Variants in IFT57 observed in about 807,000 individuals in gnomAD.
The protein encoded by IFT57 is intraflagellar transport 57.
In IFT57, 59 loss-of-function variants were observed where a neutral mutation model predicts 56.8. The ratio of observed to expected loss-of-function variants is 1.04; its 90% confidence interval spans 0.84 to 1.29. IFT57 has a LOEUF of 1.29. Among genes scored for constraint, IFT57 ranks in the 50% most tolerant of loss-of-function variants. The pLI, the probability that IFT57 is intolerant of heterozygous loss-of-function variation, is 0.00. For missense variants in IFT57, 470 were observed against 522.1 expected, an observed-to-expected ratio of 0.90 and a Z score of 0.97; for synonymous variants, 209 against 186.1, an observed-to-expected ratio of 1.12 and a Z score of -1.00.
chr3:108,217,629 G>A (rs191473352), intron 3 of IFT57, among the ~76,000 whole-genome samples: 58 of 150,426 alleles, frequency 3.9e-4, no homozygotes, highest in Non-Finnish European at 6.5e-4. Flanking sequence ...ATATCTAAAA[G>A]AATATAATTG....
intron 5 of IFT57, among the ~76,000 whole-genome samples, chr3:108,198,194 A>G (rs926121125): frequency 1.3e-5 from 2 of 152,186 alleles, no homozygotes; most frequent in African/African-American, 4.8e-5. Context: ...CTAGAGCACA[A>G]GCTCTAAAAC....
At chr3:108,168,653 T>C (rs1198396526) in intron 6 of IFT57, among the ~76,000 whole-genome samples, 1 of 151,740 alleles carries the variant, frequency 6.6e-6, no homozygotes, top group East Asian at 1.9e-4. Flanking sequence ...CCATCCCCCA[T>C]CCCCCAACAG....
In IFT57 at chr3:108,180,475, C is replaced by A. The variant is rs187244518; in HGVS notation, c.777+11046G>T. On this transcript the variant is annotated intron_variant, in intron 6 of 10. Coordinates refer to ENST00000264538, the MANE Select transcript of IFT57 (RefSeq NM_018010.4). ...ACAGTGGAACACCAGAACAGGTGACCCCAATAGTACTCCCACCTTCAGGAA... is the reference window on the plus strand; with the variant it reads ...ACAGTGGAACACCAGAACAGGTGACACCAATAGTACTCCCACCTTCAGGAA... Among the ~76,000 whole-genome samples, 106 of 151,956 alleles carry A rather than the reference C, an allele frequency of 7.0e-4. 1 individual carries two copies. Among genetic ancestry groups the A allele is most frequent in the Middle Eastern group, 6.8e-3 (2 of 294 alleles).
At chr3:108,219,381 A>G (rs752227450) in intron 2 of IFT57, 29 bp downstream of exon 2, 2 of 1,583,402 alleles carry the variant, frequency 1.3e-6, no homozygotes, top group Non-Finnish European at 1.7e-6. Context: ...ACTTGAGAAC[A>G]AGGAAAAAGA....
intron 4 of IFT57, chr3:108,213,676 A>T: frequency 3.1e-6 from 1 of 322,574 alleles, no homozygotes; most frequent in Non-Finnish European, 5.6e-6. Context: ...GTATTTACTC[A>T]TATAACTAGT....
At chr3:108,199,853 A>T (rs2080267908) in intron 5 of IFT57, among the ~76,000 whole-genome samples, 1 of 152,186 alleles carries the variant, frequency 6.6e-6, no homozygotes, top group Non-Finnish European at 1.5e-5. Context: ...GATAGAAGAG[A>T]TAGAATTTGA....
intron 2 of IFT57, among the ~76,000 whole-genome samples, chr3:108,218,864 CAAATT>C (rs1237253632): frequency 6.6e-6 from 1 of 152,020 alleles, no homozygotes; most frequent in Non-Finnish European, 1.5e-5. Context: ...TTAAAAGTAT[CAAATT>C]AAAAAGCAAT....
chr3:108,164,317 C>T (rs1019981505), intron 9 of IFT57, among the ~76,000 whole-genome samples: 5 of 151,942 alleles, frequency 3.3e-5, no homozygotes, highest in African/African-American at 7.2e-5. Flanking sequence ...CTCTATCTGG[C>T]GATTATACTA....
At chr3:108,215,151 T>C (rs1205930204) in intron 3 of IFT57, among the ~76,000 whole-genome samples, 2 of 152,224 alleles carry the variant, frequency 1.3e-5, no homozygotes, top group African/African-American at 4.8e-5. Context: ...TTCATCAAGA[T>C]TAATGACACA....
chr3:108,196,455 A>G (rs530080930), intron 5 of IFT57, among the ~76,000 whole-genome samples: 11 of 152,224 alleles, frequency 7.2e-5, no homozygotes, highest in Non-Finnish European at 1.5e-4. Flanking sequence ...ATGGGTTTGC[A>G]GTGGCCATTT....
At chr3:108,206,491 T>C (rs1425815699) in intron 5 of IFT57, 137 bp downstream of exon 5, 1 of 354,636 alleles carries the variant, frequency 2.8e-6, no homozygotes, top group Non-Finnish European at 5.2e-6. Context: ...ATTTTATATA[T>C]AGGAAAGCAA....
At chr3:108,172,112 AGGT>A (rs2080096327) in intron 6 of IFT57, among the ~76,000 whole-genome samples, 1 of 151,898 alleles carries the variant, frequency 6.6e-6, no homozygotes, top group Non-Finnish European at 1.5e-5. Flanking sequence ...TGACTCATTT[AGGT>A]ATAACTACGA....
At chr3:108,183,369 G>A (rs2080162297) in intron 6 of IFT57, among the ~76,000 whole-genome samples, 1 of 152,086 alleles carries the variant, frequency 6.6e-6, no homozygotes, top group South Asian at 2.1e-4. Flanking sequence ...AGACCGGGAA[G>A]CAAAACCACA....
rs751173112 is a variant in IFT57 at position 108,167,776 on chromosome 3, TA to T, written c.849+16del. 2.0e-6 allele frequency: 3 copies of T among 1,504,776 alleles called. No homozygotes were observed. Among genetic ancestry groups the T allele is most frequent in the Non-Finnish European group, 2.7e-6 (3 of 1,110,724 alleles). 93.2% of individuals were successfully genotyped at this position (1,504,776 alleles called of 1,614,324 possible). A position where few individuals can be genotyped will look rare whatever the true frequency, so the allele number is the denominator to read the frequency against. On this transcript the variant is annotated intron_variant, in intron 7 of 10. Transcript: ENST00000264538. ...ATGAGTAAATGTACATTGATTCACG[TA>T]AAGTAATTCATATACCTTGGTCTCC...
Position 108,188,353 on chromosome 3 carries a change from T to C in IFT57, c.777+3168A>G, listed in dbSNP as rs1485964679. Among the ~76,000 whole-genome samples the C allele has an allele frequency of 2.6e-5, 4 of 152,116 alleles. No individual in the cohort carries two copies. In the East Asian group the frequency reaches 5.8e-4, roughly 22 times the overall value. ...TACATTTATTTTTAAATAAGCTAAA[T>C]AAAGAATTCACCTGACCCTAAAGGT... is the stretch of plus-strand genomic sequence containing the variant. On this transcript the variant is annotated intron_variant, in intron 6 of 10. Coordinates refer to ENST00000264538, the MANE Select transcript of IFT57 (RefSeq NM_018010.4).
At chr3:108,190,967 A>G (rs2080211872) in intron 6 of IFT57, among the ~76,000 whole-genome samples, 1 of 151,862 alleles carries the variant, frequency 6.6e-6, no homozygotes, top group Non-Finnish European at 1.5e-5. Flanking sequence ...TAATTTTTGT[A>G]TTTTTAGTAG....
At chr3:108,195,149 A>G (rs79901199) in intron 5 of IFT57, among the ~76,000 whole-genome samples, 9,299 of 152,282 alleles carry the variant, frequency 0.061, 393 homozygotes, top group Non-Finnish European at 0.087. Context: ...ATCTAATTAA[A>G]AAATAGGCAA....
At chr3:108,163,766 T>C (rs758707994) in intron 9 of IFT57, 37 bp from the exon 10 acceptor site, 87 of 1,304,424 alleles carry the variant, frequency 6.7e-5, no homozygotes, top group Non-Finnish European at 9.3e-5. Context: ...CATTACATTT[T>C]AATAAACTTT....
intron 5 of IFT57, among the ~76,000 whole-genome samples, chr3:108,205,526 T>C (rs934697850): frequency 6.6e-6 from 1 of 151,260 alleles, no homozygotes; most frequent in Non-Finnish European, 1.5e-5. Context: ...TTAATAATAC[T>C]AAGGCAGTAT....
Sources: allele counts gnomAD v4.1 joint callset (sites outside exome capture counted in the v4.1 genomes callset), GRCh38; gene constraint gnomAD v4.1.1; transcripts MANE v1.5; gene names NCBI Gene and HGNC (gene_info 2026-07-23, HGNC 2026-07-21).